SLC35A1: variants seen among roughly 807,000 people sequenced by gnomAD.
SLC35A1 encodes the protein CMP-sialic acid transporter.
Under a neutral mutation model 40.3 loss-of-function variants are expected in SLC35A1, and 21 were observed. The ratio of observed to expected loss-of-function variants is 0.52; its 90% CI spans 0.37 to 0.75. The LOEUF (loss-of-function observed/expected upper bound fraction) is 0.75, where lower values mean the gene tolerates loss of function less well. SLC35A1 is among the 30% of genes least tolerant of loss of function. The probability of loss-of-function intolerance (pLI) is 0.00; values close to 1 mark genes in which losing one functional copy is unlikely to be tolerated. For missense variants in SLC35A1, 297 were observed against 382.1 expected (o/e 0.78, Z 1.86); for synonymous variants, 146 against 147.3 (o/e 0.99, Z 0.06).
intron 2 of SLC35A1, chr6:87,499,011 C>G (rs1390161926): frequency 2.6e-6 from 1 of 385,668 alleles, no homozygotes; most frequent in Non-Finnish European, 3.5e-6. Context: ...AGCATATAGA[C>G]TTAACACTGT....
chr6:87,509,054 T>C lies in SLC35A1; in HGVS notation c.765T>C (p.Val255=), dbSNP rs748822409. Residue 255 remains valine (V), a synonymous_variant, in exon 7 of 8, where the codon GTT becomes GTC. Transcript: ENST00000369552. ...YVWFVIFLAS[V]GGLYTSVVVK... Reference sequence around the variant, plus strand: ...TCTGTATACAAGTTCTTGCAAGTGTTGGTGGCCTCTACACTTCTGTTGTGG... The same window carrying C: ...TCTGTATACAAGTTCTTGCAAGTGTCGGTGGCCTCTACACTTCTGTTGTGG... The C allele has an allele frequency of 1.9e-6, 3 of 1,614,032 alleles. No homozygotes were observed. The East Asian group carries it at 6.7e-5, about 36-fold the overall frequency.
intron 2 of SLC35A1, among the ~76,000 whole-genome samples, chr6:87,478,373 A>T (rs1286557522): frequency 1.3e-5 from 2 of 152,196 alleles, no homozygotes; most frequent in East Asian, 3.9e-4. Context: ...AAAATTAAAT[A>T]AAATCTAATA....
At chr6:87,493,787 C>G (rs190148987) in intron 2 of SLC35A1, among the ~76,000 whole-genome samples, 1 of 152,248 alleles carries the variant, frequency 6.6e-6, no homozygotes, top group Admixed American at 6.5e-5. Context: ...TTTGAGTTCT[C>G]TTTTTCTCCA....
rs138106188 is a variant in SLC35A1 at position 87,477,350 on chromosome 6, C to T, written c.17-12C>T. The T allele has an allele frequency of 3.9e-5, 63 of 1,608,174 alleles. No homozygotes were observed. Among genetic ancestry groups the T allele is most frequent in the Admixed American group, 2.3e-4 (14 of 60,010 alleles). On this transcript the variant is annotated splice_polypyrimidine_tract_variant and intron_variant, in intron 1 of 7. Transcript: ENST00000369552. Reference sequence around the variant, plus strand: ...TCTACTAAGTAATGTCTTTGTTGCACGTATTTTCCAGACAATGTCACTTTA... The same window carrying T: ...TCTACTAAGTAATGTCTTTGTTGCATGTATTTTCCAGACAATGTCACTTTA...
At chr6:87,492,142 A>C (rs1468114505) in intron 2 of SLC35A1, among the ~76,000 whole-genome samples, 1 of 152,204 alleles carries the variant, frequency 6.6e-6, no homozygotes, top group Non-Finnish European at 1.5e-5. Context: ...TCTTATATAT[A>C]ATCAATAAAA....
In SLC35A1 at chr6:87,506,465, T is replaced by C. The variant is rs762267204; in HGVS notation, c.574+17T>C. 16 of 1,606,558 alleles carry C rather than the reference T, an allele frequency of 1.0e-5. No homozygotes were observed. The highest frequency in any genetic ancestry group is 1.3e-5 in the Non-Finnish European group (15 of 1,173,348). On this transcript the variant is annotated intron_variant, in intron 5 of 7. Coordinates refer to ENST00000369552, the MANE Select transcript of SLC35A1 (RefSeq NM_006416.5). ...GATTTGCAGGTAAATCATGAAAGCATTGTTTTATTCTTTTGTCATATTTTT... is the reference window on the plus strand; with the variant it reads ...GATTTGCAGGTAAATCATGAAAGCACTGTTTTATTCTTTTGTCATATTTTT...
intron 7 of SLC35A1, among the ~76,000 whole-genome samples, chr6:87,509,677 A>G (rs1217916685): frequency 6.6e-6 from 1 of 152,100 alleles, no homozygotes; most frequent in African/African-American, 2.4e-5. Flanking sequence ...CAAAATCTAG[A>G]TTTTGTCTTT....
chr6:87,486,425 G>A (rs912893417), intron 2 of SLC35A1, among the ~76,000 whole-genome samples: 2 of 152,050 alleles, frequency 1.3e-5, no homozygotes, highest in East Asian at 1.9e-4. Context: ...TCAGGTTCAC[G>A]CATTCATTTA....
intron 2 of SLC35A1, among the ~76,000 whole-genome samples, chr6:87,484,488 G>T (rs1259678727): frequency 6.6e-6 from 1 of 152,154 alleles, no homozygotes. Flanking sequence ...GATGCACGTG[G>T]CCCCTGCTGC....
chr6:87,508,958 T>C (rs529959758), intron 6 of SLC35A1, 83 bp from the exon 7 acceptor site: 1 of 1,409,848 alleles, frequency 7.1e-7, no homozygotes, highest in Non-Finnish European at 1.0e-6. Flanking sequence ...AAGTATGGCA[T>C]CTCTGGGGAT....
chr6:87,504,270 A>AC (rs1228363224), intron 4 of SLC35A1, among the ~76,000 whole-genome samples: 30 of 150,556 alleles, frequency 2.0e-4, no homozygotes, highest in African/African-American at 7.4e-4. Flanking sequence ...TGTCTCAAAA[A>AC]GAAAAAAAAA....
At chr6:87,497,462 C>T (rs144106731) in intron 2 of SLC35A1, among the ~76,000 whole-genome samples, 168 of 152,262 alleles carry the variant, frequency 1.1e-3, no homozygotes, top group Non-Finnish European at 2.2e-3. Context: ...TTTTGCTCCA[C>T]TGAAGGAAAG....
At chr6:87,496,897 A>G (rs184315786) in intron 2 of SLC35A1, among the ~76,000 whole-genome samples, 275 of 152,044 alleles carry the variant, frequency 1.8e-3, no homozygotes, top group African/African-American at 6.5e-3. Context: ...ATTTGTTTCT[A>G]TCTCTTTCAT....
At chr6:87,475,326 T>C (rs1449325145) in intron 1 of SLC35A1, among the ~76,000 whole-genome samples, 1 of 152,238 alleles carries the variant, frequency 6.6e-6, no homozygotes, top group Non-Finnish European at 1.5e-5. Flanking sequence ...GCGACATATA[T>C]AGTTTGTTCA....
At chr6:87,473,501 A>G (rs1044159120) in intron 1 of SLC35A1, among the ~76,000 whole-genome samples, 3 of 152,234 alleles carry the variant, frequency 2.0e-5, no homozygotes, top group African/African-American at 4.8e-5. Flanking sequence ...CCATGCAACA[A>G]CCACTAAAGA....
At chr6:87,499,511 C>T (rs994700725) in intron 2 of SLC35A1, among the ~76,000 whole-genome samples, 7 of 152,126 alleles carry the variant, frequency 4.6e-5, no homozygotes, top group South Asian at 4.1e-4. Context: ...AGATTAGCCA[C>T]GTCCTTCTGA....
chr6:87,505,322 T>G (rs966816890), intron 4 of SLC35A1, among the ~76,000 whole-genome samples: 69 of 152,308 alleles, frequency 4.5e-4, no homozygotes, highest in African/African-American at 1.5e-3. Flanking sequence ...AGTATTTATC[T>G]TTCAGGAAAG....
chr6:87,479,122 G>A (rs1053063538), intron 2 of SLC35A1, among the ~76,000 whole-genome samples: 1 of 152,128 alleles, frequency 6.6e-6, no homozygotes, highest in African/African-American at 2.4e-5. Flanking sequence ...AAAAGTAGAA[G>A]GCAAAGAATT....
At chr6:87,481,887 A>G (rs1030239723) in intron 2 of SLC35A1, among the ~76,000 whole-genome samples, 1 of 152,224 alleles carries the variant, frequency 6.6e-6, no homozygotes. Context: ...TTAACATTTT[A>G]AAACTTGCTT....
Sources: allele counts gnomAD v4.1 joint callset (sites outside exome capture counted in the v4.1 genomes callset), GRCh38; gene constraint gnomAD v4.1.1; transcripts MANE v1.5; gene names NCBI Gene and HGNC (gene_info 2026-07-23, HGNC 2026-07-21).